The following CLUH variants were observed in gnomAD, a reference collection of about 807,000 sequenced individuals.
The protein encoded by CLUH is CLUH binding protein of NUMT mRNA, also known as clustered mitochondria protein homolog.
CLUH carries 77 observed loss-of-function variants against 139.3 expected under a neutral mutation model. That is an observed-to-expected ratio of 0.55 (90% CI 0.46 to 0.67). CLUH has a LOEUF of 0.67. CLUH is among the 30% of genes least tolerant of loss of function. CLUH has a pLI of 0.00. For synonymous variants in CLUH, 999 were observed against 801.6 expected (o/e 1.25, Z -4.16); for missense variants, 1,876 against 1,875.8 (o/e 1.00, Z 0.00).
intron 13 of CLUH, 197 bp from the exon 14 acceptor site, chr17:2,695,723 G>T: frequency 1.4e-5 from 10 of 701,978 alleles, no homozygotes; most frequent in East Asian, 2.7e-5. Flanking sequence ...GGTGGTACAG[G>T]CCCCCTCTAA....
intron 17 of CLUH, 68 bp from the exon 18 acceptor site, chr17:2,694,344 C>A: frequency 6.5e-7 from 1 of 1,534,520 alleles, no homozygotes; most frequent in East Asian, 2.3e-5. Context: ...CCTCCCAACC[C>A]ACCAACGCTT....
chr17:2,703,279 G>T lies in CLUH; in HGVS notation c.475+39C>A. 6.3e-7 allele frequency: 1 copy of T among 1,578,804 alleles called. No homozygotes were observed. ...GGTGCTGCCTGCCTCTGCCTCCGTG[G>T]GCCCTCCCCCGGGCAGGCTGTCCAA... On this transcript the variant is annotated intron_variant, in intron 3 of 25. Transcript: ENST00000651024. This position sits in a 1 kb window ranked among gnomAD's most constrained non-coding sequence, Gnocchi z 4.2.
chr17:2,701,775 C>T (rs1358438819), intron 4 of CLUH, 38 bp from the exon 5 acceptor site: 4 of 1,556,110 alleles, frequency 2.6e-6, no homozygotes, highest in Non-Finnish European at 3.5e-6. Context: ...ACAGGGCCAC[C>T]CAGGGCCAGC....
chr17:2,695,642 A>G, intron 13 of CLUH, 116 bp from the exon 14 acceptor site: 2 of 1,327,504 alleles, frequency 1.5e-6, no homozygotes, highest in Non-Finnish European at 1.0e-6. Flanking sequence ...CGAAGGCTCC[A>G]GCTCCCAGTC....
chr17:2,703,556 C>G lies in CLUH; in HGVS notation c.304-67G>C. ...TAGCGGGGAGAGAAGGCCCCAACCG[C>G]CCCGGTGAGAGGCCACGTAGCGGAC... On this transcript the variant is annotated intron_variant, in intron 2 of 25. Transcript: ENST00000651024. This position sits in a 1 kb window ranked among gnomAD's most constrained non-coding sequence, Gnocchi z 4.2. 2 of 1,536,882 alleles carry G rather than the reference C, an allele frequency of 1.3e-6. No homozygotes were observed. The highest frequency in any genetic ancestry group is 1.8e-6 in the Non-Finnish European group (2 of 1,125,278).
rs1193520130 is a variant in CLUH, at chr17:2,694,965, C to T, written c.2744G>A (p.Arg915Gln). 2.5e-6 allele frequency: 4 copies of T among 1,612,968 alleles called. No homozygotes were observed. The highest frequency in any genetic ancestry group is 3.4e-6 in the Non-Finnish European group (4 of 1,179,526). The change falls in exon 16 of 26, where the codon CGG (arginine) becomes CAG (glutamine). Residue 915 changes from arginine to glutamine, a missense_variant. By Grantham distance (43) the Arg-to-Gln change is conservative (BLOSUM62 1). Coordinates refer to ENST00000651024, the MANE Select transcript of CLUH (RefSeq NM_001366661.1). ...SKKRNKRRKN[R>Q]PPGAADNTAW... ...TGTGTTATCTGCAGCCCCCGGGGGCCGGTTTTTCCTCCTCTTATTCCGCTT... is the reference window on the plus strand; with the variant it reads ...TGTGTTATCTGCAGCCCCCGGGGGCTGGTTTTTCCTCCTCTTATTCCGCTT...
Position 2,704,244 on chromosome 17 carries a change from A to G in CLUH, c.303+118T>C. 2 of 1,080,502 alleles carry G rather than the reference A, an allele frequency of 1.9e-6. No individual in the cohort carries two copies. Among genetic ancestry groups the G allele is most frequent in the South Asian group, 3.1e-5 (2 of 64,606 alleles). 66.9% of individuals were successfully genotyped at this position (1,080,502 alleles called of 1,614,324 possible). On this transcript the variant is annotated intron_variant, in intron 2 of 25. Transcript: ENST00000651024. The surrounding 1 kb of genome is among the most constrained non-coding windows in gnomAD (Gnocchi z 5.7). The stretch of plus-strand genomic sequence containing the variant: ...TGAGTGACTCTAGGGAGGGCACGGG[A>G]TCCTCAGTTTCCTGCCACAAAATGG...
chr17:2,691,546 G>A (rs995763171), intron 25 of CLUH, 63 bp downstream of exon 25: 2 of 1,518,522 alleles, frequency 1.3e-6, no homozygotes, highest in Non-Finnish European at 1.8e-6. Flanking sequence ...GGGTGACAGG[G>A]CGAGACTCCG....
At chr17:2,692,118 G>A (rs773389188) in intron 22 of CLUH, 21 bp from the exon 23 acceptor site, 1 of 1,583,914 alleles carries the variant, frequency 6.3e-7, no homozygotes, top group Non-Finnish European at 8.6e-7. Flanking sequence ...GCGCGGCGCG[G>A]GGCGAGGGAA....
Position 2,691,773 on chromosome 17 carries a change from G to T in CLUH, c.3777C>A (p.Ile1259=), listed in dbSNP as rs758358116. ...EIYRNGSSAN[I]PPLKFTAPSM... ...GCCCCGGACTCACCTTGAGGGGCGG[G>T]ATGTTGGCGCTGGAGCCGTTGCGGT... Residue 1259 remains isoleucine (I), a synonymous_variant, in exon 24 of 26, where the codon ATC becomes ATA. Transcript: ENST00000651024. The T allele has an allele frequency of 6.3e-7, 1 of 1,594,856 alleles. No individual in the cohort carries two copies. Among genetic ancestry groups the T allele is most frequent in the Non-Finnish European group, 8.5e-7 (1 of 1,171,446 alleles).
At chr17:2,708,143 G>A (rs1315576462) in intron 1 of CLUH, among the ~76,000 whole-genome samples, 3 of 152,154 alleles carry the variant, frequency 2.0e-5, no homozygotes, top group Non-Finnish European at 2.9e-5. Flanking sequence ...GCCCAGTAAG[G>A]GCTGCCCCAG....
At chr17:2,702,790 A>AT (rs566636314) in intron 3 of CLUH, among the ~76,000 whole-genome samples, 1,659 of 142,042 alleles carry the variant, frequency 0.012, 17 homozygotes, top group Non-Finnish European at 0.017. Context: ...GTACTGCCTG[A>AT]TTTTTTTTTT....
intron 8 of CLUH, 83 bp downstream of exon 8, chr17:2,700,595 G>T (rs2070143716): frequency 6.5e-7 from 1 of 1,532,350 alleles, no homozygotes; most frequent in East Asian, 2.3e-5. Flanking sequence ...TCAAGCATGG[G>T]GCCTCCAGGG....
intron 13 of CLUH, chr17:2,695,786 C>G (rs1302890918): frequency 6.7e-6 from 4 of 592,780 alleles, no homozygotes; most frequent in Middle Eastern, 4.5e-4. Context: ...GACCCCCAGC[C>G]CCGTGTCCTG....
chr17:2,694,306 C>G (rs1314260332), intron 17 of CLUH, 30 bp from the exon 18 acceptor site: 1 of 1,563,606 alleles, frequency 6.4e-7, no homozygotes, highest in Non-Finnish European at 8.7e-7. Context: ...CCACAGGAAG[C>G]CTCAGGCCCA....
chr17:2,693,790 G>T, intron 19 of CLUH, 110 bp downstream of exon 19: 1 of 1,392,598 alleles, frequency 7.2e-7, no homozygotes, highest in South Asian at 1.4e-5. Context: ...GGCAGAACCA[G>T]CGACTTCCTG....
rs768077476 is a variant in CLUH at position 2,690,749 on chromosome 17, C to T, written c.3892G>A (p.Glu1298Lys). 2.0e-6 allele frequency: 3 copies of T among 1,531,444 alleles called. No individual in the cohort carries two copies. Among genetic ancestry groups the T allele is most frequent in the Non-Finnish European group, 2.6e-6 (3 of 1,148,780 alleles). The allele number at this position is 1,531,444 out of a possible 1,614,324, so 94.9% of individuals were successfully genotyped here. A position where few individuals can be genotyped will look rare whatever the true frequency, so the allele number is the denominator to read the frequency against. The change falls in exon 26 of 26, where the codon GAG becomes AAG. Residue 1298 changes from glutamate (E) to lysine (K), a missense_variant. Physicochemically the swap from Glu to Lys is moderately conservative, Grantham distance 56. Around this residue, in one of 3 missense-constraint regions of CLUH, gnomAD observed 1,454 missense variants for 1,384.4 expected, o/e 1.05. Coordinates refer to ENST00000651024, the MANE Select transcript of CLUH (RefSeq NM_001366661.1). ...SQKDLENLKA[E>K]VARRHQLQEA... ...TGGAGCTGGTGCCGCCGCGCCACCT[C>T]GGCTTTCAGATTCTCCAGGTCTTTT...
rs1221345163 is a variant in CLUH, at chr17:2,692,948, C to G, written c.3232-88G>C. ...GGCCCCGGCCCAGCAGCCCACGGTG[C>G]CGCTCTGCAGGCTCCTGTCCCCTCC... On this transcript the variant is annotated intron_variant, in intron 19 of 25. Coordinates refer to ENST00000651024, the MANE Select transcript of CLUH (RefSeq NM_001366661.1). 2.3e-6 allele frequency: 3 copies of G among 1,317,750 alleles called. No homozygotes were observed. The South Asian group carries it at 4.5e-5, about 20-fold the overall frequency. 81.6% of individuals were successfully genotyped at this position (1,317,750 alleles called of 1,614,324 possible). A position where few individuals can be genotyped will look rare whatever the true frequency, so the allele number is the denominator to read the frequency against.
Position 2,694,850 on chromosome 17 carries a change from C to T in CLUH, c.2852+7G>A. 6.7e-7 allele frequency: 1 copy of T among 1,502,396 alleles called. No homozygotes were observed. The highest frequency in any genetic ancestry group is 8.9e-7 in the Non-Finnish European group (1 of 1,122,224). The allele number at this position is 1,502,396 out of a possible 1,614,324, so 93.1% of individuals were successfully genotyped here. A position where few individuals can be genotyped will look rare whatever the true frequency, so the allele number is the denominator to read the frequency against. On this transcript the variant is annotated splice_region_variant and intron_variant, in intron 16 of 25. Transcript: ENST00000651024. ...CACCCACCCCACCGCCCCTGCCCCG[C>T]ACGCACCACTCGAGGTCGAAGTCAA...
Sources: allele counts gnomAD v4.1 joint callset (sites outside exome capture counted in the v4.1 genomes callset), GRCh38; gene constraint gnomAD v4.1.1; regional missense constraint gnomAD v4.1.1; non-coding constraint Gnocchi (gnomAD v3.1); transcripts MANE v1.5; gene names NCBI Gene and HGNC (gene_info 2026-07-23, HGNC 2026-07-21).